Variants in ZYG11B observed in about 807,000 individuals in gnomAD.
ZYG11B encodes zyg-11 family member B, cell cycle regulator, also known as protein zyg-11 homolog B.
Under a neutral mutation model 82.4 loss-of-function variants are expected in ZYG11B, and 36 were observed. The ratio of observed to expected loss-of-function variants is 0.44; its 90% CI spans 0.33 to 0.58. The LOEUF is 0.58. ZYG11B is among the 20% of genes least tolerant of loss of function. ZYG11B has a pLI of 0.02. For missense variants in ZYG11B, 552 were observed against 895.6 expected (o/e 0.62, Z 4.90); for synonymous variants, 303 against 312.8 (o/e 0.97, Z 0.33).
chr1:52,809,020 C>T (rs908762818), intron 10 of ZYG11B, among the ~76,000 whole-genome samples: 1 of 152,012 alleles, frequency 6.6e-6, no homozygotes, highest in South Asian at 2.1e-4. Flanking sequence ...CTTTTAATAT[C>T]CTAATCGGCT....
At chr1:52,777,205 A>G (rs1483207879) in intron 3 of ZYG11B, among the ~76,000 whole-genome samples, 1 of 152,094 alleles carries the variant, frequency 6.6e-6, no homozygotes, top group Non-Finnish European at 1.5e-5. Context: ...GCAAGACCGT[A>G]TCTCAAAAAA....
intron 4 of ZYG11B, among the ~76,000 whole-genome samples, chr1:52,783,924 G>A (rs1165843588): frequency 7.7e-6 from 1 of 129,132 alleles, no homozygotes; most frequent in African/African-American, 3.9e-5. Flanking sequence ...ATACATATAT[G>A]TGTATATACA....
chr1:52,731,533 A>G (rs1644332697), intron 1 of ZYG11B, among the ~76,000 whole-genome samples: 1 of 152,192 alleles, frequency 6.6e-6, no homozygotes, highest in Non-Finnish European at 1.5e-5. Context: ...CCATGTCCAG[A>G]ATATAAAAAT....
intron 1 of ZYG11B, among the ~76,000 whole-genome samples, chr1:52,736,845 TC>T (rs1438830340): frequency 4.6e-5 from 7 of 152,204 alleles, no homozygotes; most frequent in Non-Finnish European, 1.5e-5. Context: ...CCCTTTGGCC[TC>T]CCAGAGTGCT....
At chr1:52,809,552 G>A (rs1645166762) in intron 10 of ZYG11B, among the ~76,000 whole-genome samples, 1 of 152,116 alleles carries the variant, frequency 6.6e-6, no homozygotes, top group Non-Finnish European at 1.5e-5. Context: ...TAGAATTACT[G>A]TATCATGATA....
chr1:52,793,327 G>A lies in ZYG11B; in HGVS notation c.1335-2965G>A, dbSNP rs369284930. The stretch of plus-strand genomic sequence containing the variant: ...AGTTCTAGAGCAGCCTGGCCAACAT[G>A]GTGAAACGCTGTCTCTACTAAAAAT... On this transcript the variant is annotated intron_variant, in intron 6 of 13. Coordinates refer to ENST00000294353, the MANE Select transcript of ZYG11B (RefSeq NM_024646.3). 1.5e-3 allele frequency among the ~76,000 whole-genome samples: 222 copies of A among 152,002 alleles called. 2 individuals are homozygous for A. Among genetic ancestry groups the A allele is most frequent in the African/African-American group, 5.0e-3 (209 of 41,480 alleles).
intron 3 of ZYG11B, among the ~76,000 whole-genome samples, chr1:52,773,904 A>G (rs1216273894): frequency 2.0e-5 from 3 of 151,408 alleles, no homozygotes; most frequent in Non-Finnish European, 4.4e-5. Flanking sequence ...TGGCCTTCCA[A>G]AGTGCTAGGA....
chr1:52,780,135 G>A (rs1244810760), intron 4 of ZYG11B, 142 bp downstream of exon 4: 2 of 789,164 alleles, frequency 2.5e-6, no homozygotes, highest in East Asian at 5.5e-5. Flanking sequence ...TCAATCATTA[G>A]CTATAAACGA....
intron 10 of ZYG11B, among the ~76,000 whole-genome samples, chr1:52,808,439 T>C (rs1454347721): frequency 1.3e-5 from 2 of 152,098 alleles, no homozygotes; most frequent in Non-Finnish European, 2.9e-5. Flanking sequence ...TGTAATTAAC[T>C]TCATGTTTCC....
intron 6 of ZYG11B, among the ~76,000 whole-genome samples, chr1:52,790,867 G>A (rs1302323631): frequency 6.7e-6 from 1 of 149,478 alleles, no homozygotes; most frequent in Admixed American, 6.7e-5. Flanking sequence ...GGTTAAGGGA[G>A]GCCATATAAC....
chr1:52,744,922 T>G (rs1644464218), intron 1 of ZYG11B, among the ~76,000 whole-genome samples: 1 of 152,246 alleles, frequency 6.6e-6, no homozygotes, highest in African/African-American at 2.4e-5. Flanking sequence ...ATACTTTTTC[T>G]TCTACTTTGT....
intron 2 of ZYG11B, among the ~76,000 whole-genome samples, chr1:52,757,491 G>A (rs1247753631): frequency 6.6e-6 from 1 of 151,856 alleles, no homozygotes; most frequent in Non-Finnish European, 1.5e-5. Context: ...GCCTGGCCAA[G>A]ATGGCGAAAC....
intron 8 of ZYG11B, among the ~76,000 whole-genome samples, chr1:52,799,435 C>A (rs544465817): frequency 6.7e-6 from 1 of 149,328 alleles, no homozygotes; most frequent in South Asian, 2.1e-4. Flanking sequence ...TCCAATGAGC[C>A]GAGATAATGC....
intron 3 of ZYG11B, among the ~76,000 whole-genome samples, chr1:52,776,882 C>G (rs1269174638): frequency 1.3e-5 from 2 of 152,014 alleles, no homozygotes; most frequent in Non-Finnish European, 2.9e-5. Context: ...GTATGTTATA[C>G]ATAAATAGAA....
At chr1:52,777,599 C>T (rs1309849631) in intron 3 of ZYG11B, among the ~76,000 whole-genome samples, 9 of 152,172 alleles carry the variant, frequency 5.9e-5, no homozygotes, top group South Asian at 2.1e-4. Flanking sequence ...CACCATCACA[C>T]GTAACTAATT....
At chr1:52,795,387 T>A (rs1644999034) in intron 6 of ZYG11B, among the ~76,000 whole-genome samples, 1 of 152,186 alleles carries the variant, frequency 6.6e-6, no homozygotes, top group South Asian at 2.1e-4. Context: ...CTTTTTTCTT[T>A]ATAAATTACC....
intron 1 of ZYG11B, among the ~76,000 whole-genome samples, chr1:52,754,851 G>C (rs1397481020): frequency 1.3e-5 from 2 of 151,764 alleles, no homozygotes; most frequent in Non-Finnish European, 2.9e-5. Context: ...TTAGGACCTT[G>C]ATCTATTTTG....
chr1:52,820,105 G>A (rs932136954), intron 13 of ZYG11B, among the ~76,000 whole-genome samples: 7 of 150,426 alleles, frequency 4.7e-5, no homozygotes, highest in South Asian at 4.2e-4. Context: ...TAGTAGAGAC[G>A]GGGTTTCACC....
At position 52,731,526 on chromosome 1, in the gene ZYG11B, T is replaced by C. The variant is rs190462982; in HGVS notation, c.30+4843T>C. ...ATTATTTGATTAGAGTCTCTTTCCATGTCCAGAATATAAAAATCATTGATA... is the reference window on the plus strand; with the variant it reads ...ATTATTTGATTAGAGTCTCTTTCCACGTCCAGAATATAAAAATCATTGATA... On this transcript the variant is annotated intron_variant, in intron 1 of 13. Transcript: ENST00000294353. Among the ~76,000 whole-genome samples, 423 of 152,254 alleles carry C rather than the reference T, an allele frequency of 2.8e-3. 11 individuals carry two copies. The highest frequency in any genetic ancestry group is 0.026 in the Admixed American group (396 of 15,284).
Sources: gnomAD v4.1 joint callset for allele counts (sites outside exome capture counted in the v4.1 genomes callset) on GRCh38, gnomAD v4.1.1 for gene constraint, MANE v1.5 for transcripts, NCBI Gene and HGNC (gene_info 2026-07-23, HGNC 2026-07-21) for gene names.